Variants in NLRP7 observed in about 807,000 individuals in gnomAD.
The protein encoded by NLRP7 is NLR family pyrin domain containing 7.
NLRP7 carries 72 observed loss-of-function variants against 85.5 expected under a neutral mutation model. The ratio of observed to expected loss-of-function variants is 0.84; its 90% CI spans 0.70 to 1.02. The LOEUF (loss-of-function observed/expected upper bound fraction) is 1.02. NLRP7 is among the 50% of genes least tolerant of loss of function. The pLI is 0.00. For missense variants in NLRP7, 1,243 were observed against 1,219.5 expected, an observed-to-expected ratio of 1.02 and a Z score of -0.29; for synonymous variants, 550 against 505.2, an observed-to-expected ratio of 1.09 and a Z score of -1.19.
intron 9 of NLRP7, among the ~76,000 whole-genome samples, chr19:54,924,297 C>G (rs1339709685): frequency 3.9e-5 from 6 of 152,060 alleles, no homozygotes; most frequent in Non-Finnish European, 7.4e-5. Context: ...AAATTTAGAC[C>G]CACACAATGG....
chr19:54,933,156 G>A (rs560455390), intron 8 of NLRP7, among the ~76,000 whole-genome samples: 2 of 151,164 alleles, frequency 1.3e-5, no homozygotes, highest in South Asian at 4.2e-4. Flanking sequence ...TTGTTTCTTT[G>A]TTTTTTTGAG....
At chr19:54,950,588 T>G (rs1006695999), upstream of NLRP7, among the ~76,000 whole-genome samples, 8 of 152,212 alleles carry the variant, frequency 5.3e-5, no homozygotes, top group Non-Finnish European at 1.5e-5. Context: ...CTAAGTGCTG[T>G]GCTTTAGATA....
chr19:54,941,052 T>A (rs1370824637), intron 2 of NLRP7, 47 bp from the exon 3 acceptor site: 2 of 1,318,484 alleles, frequency 1.5e-6, no homozygotes, highest in African/African-American at 2.9e-5. Flanking sequence ...TTACACTTCG[T>A]AAATCAGACA....
rs1045414911 is a variant in NLRP7 at position 54,938,883 on chromosome 19, C to T, written c.1931+5G>A. On this transcript the variant is annotated splice_donor_5th_base_variant and intron_variant, in intron 4 of 9. Coordinates refer to ENST00000340844, the Ensembl canonical transcript of NLRP7. ...TGGAGCGTGGGATGGGAAAACAGTT[C>T]TTACCTTTCAAATTCAATGTCCAGT... 5 of 1,613,884 alleles carry T rather than the reference C, an allele frequency of 3.1e-6. No homozygotes were observed. In the Admixed American group the frequency reaches 8.3e-5, roughly 27 times the overall value.
chr19:54,941,752 TGGGG>T lies in NLRP7; in HGVS notation c.-39-6_-39-3del. ...AGACCTTAGGTTAAGGCTGAAGAAC[TGGGG>T]GGAAAAAAGGAAAAACAGTTCACGA... is the stretch of plus-strand genomic sequence containing the variant. On this transcript the variant is annotated splice_region_variant and splice_polypyrimidine_tract_variant and intron_variant, in intron 1 of 9. Transcript: ENST00000340844. 6.3e-7 allele frequency: 1 copy of T among 1,585,442 alleles called. No homozygotes were observed.
chr19:54,931,012 G>C (rs2068654675), intron 8 of NLRP7, among the ~76,000 whole-genome samples: 2 of 152,044 alleles, frequency 1.3e-5, no homozygotes, highest in Admixed American at 6.5e-5. Context: ...GACAGAGCGA[G>C]ACTCCGTCTC....
At chr19:54,958,054 A>G (rs2069917034) in intron 1 of NLRP7, among the ~76,000 whole-genome samples, 1 of 152,004 alleles carries the variant, frequency 6.6e-6, no homozygotes, top group African/African-American at 2.4e-5. Flanking sequence ...TGTCTTTACT[A>G]AAAATACAAA....
intron 9 of NLRP7, among the ~76,000 whole-genome samples, chr19:54,926,073 A>T (rs578251038): frequency 1.3e-5 from 2 of 151,400 alleles, no homozygotes; most frequent in African/African-American, 2.4e-5. Context: ...AAAAAAAAAT[A>T]AAAAATACAA....
intron 6 of NLRP7, among the ~76,000 whole-genome samples, chr19:54,935,035 G>A (rs774069904): frequency 3.3e-5 from 5 of 152,072 alleles, no homozygotes; most frequent in Non-Finnish European, 7.4e-5. Context: ...AAGACATTAT[G>A]TCTTTGGTTT....
Position 54,924,100 on chromosome 19 carries a change from T to G in NLRP7, c.2811-228A>C, listed in dbSNP as rs562796417. ...CTCATGCCTCAGGCTCCTGAGTAAC[T>G]GTGATTACAGGTGTGCACCACCACG... On this transcript the variant is annotated intron_variant, in intron 9 of 9. Coordinates refer to ENST00000340844, the Ensembl canonical transcript of NLRP7. Among the ~76,000 whole-genome samples, 3 of 152,256 alleles carry G rather than the reference T, an allele frequency of 2.0e-5. No individual in the cohort carries two copies. The East Asian group carries it at 5.8e-4, about 29-fold the overall frequency.
intron 1 of NLRP7, among the ~76,000 whole-genome samples, chr19:54,942,477 A>G (rs1436133789): frequency 6.6e-6 from 1 of 152,020 alleles, no homozygotes; most frequent in Admixed American, 6.6e-5. Flanking sequence ...TAATCCCAGC[A>G]CTTTGGGAGG....
chr19:54,941,950 T>C (rs1054344376), intron 1 of NLRP7, among the ~76,000 whole-genome samples, 200 bp from the exon 2 acceptor site: 1 of 151,924 alleles, frequency 6.6e-6, no homozygotes, highest in Non-Finnish European at 1.5e-5. Context: ...CCTGGCTAAC[T>C]TGGTAAAAAG....
chr19:54,940,529 A>T, intron 3 of NLRP7, 63 bp from the exon 4 acceptor site: 3 of 1,579,060 alleles, frequency 1.9e-6, no homozygotes, highest in Non-Finnish European at 2.6e-6. Context: ...TTATTTTGTC[A>T]AGTACCAGAA....
chr19:54,924,034 C>T (rs1294988055), intron 9 of NLRP7, among the ~76,000 whole-genome samples, 162 bp from the exon 11 acceptor site: 1 of 152,164 alleles, frequency 6.6e-6, no homozygotes, highest in East Asian at 1.9e-4. Context: ...GTGGTGCCAT[C>T]TTGGCTCTCT....
upstream of NLRP7, among the ~76,000 whole-genome samples, chr19:54,952,176 A>C (rs1230208198): frequency 1.3e-5 from 2 of 152,248 alleles, no homozygotes; most frequent in South Asian, 4.1e-4. Context: ...CAAATAGCTG[A>C]CACTAACCAG....
chr19:54,959,491 G>A (rs929012252), intron 1 of NLRP7, among the ~76,000 whole-genome samples: 1 of 151,192 alleles, frequency 6.6e-6, no homozygotes, highest in Non-Finnish European at 1.5e-5. Context: ...AAAACAATAT[G>A]AGACGGTTTC....
Position 54,929,231 on chromosome 19 carries a change from T to C in NLRP7, c.2810+1268A>G, listed in dbSNP as rs1458487701. Among the ~76,000 whole-genome samples, 3 of 151,976 alleles carry C rather than the reference T, an allele frequency of 2.0e-5. No individual in the cohort carries two copies. The East Asian group carries it at 5.8e-4, about 29-fold the overall frequency. ...TAAAAATACAAAAATTAGCTGGGTA[T>C]GGTGGTGCACGCCTGTAATCCCAAC... On this transcript the variant is annotated intron_variant, in intron 9 of 9. Coordinates refer to ENST00000340844, the Ensembl canonical transcript of NLRP7.
chr19:54,926,205 G>GGGGTGTGTGTGTGT (rs375777486), intron 9 of NLRP7, among the ~76,000 whole-genome samples: 13 of 143,642 alleles, frequency 9.1e-5, no homozygotes, highest in Non-Finnish European at 1.7e-4. Context: ...AATGATTAGG[G>GGGGTGTGTGTGTGT]GTGTGTGTGT....
chr19:54,935,351 C>T (rs1569539969), intron 6 of NLRP7, among the ~76,000 whole-genome samples: 2 of 152,048 alleles, frequency 1.3e-5, no homozygotes, highest in Non-Finnish European at 2.9e-5. Context: ...CCTCAGCATC[C>T]ACTGTAGCTG....
Sources: gnomAD v4.1 joint callset for allele counts (sites outside exome capture counted in the v4.1 genomes callset) on GRCh38, gnomAD v4.1.1 for gene constraint, MANE v1.5 for transcripts, NCBI Gene and HGNC (gene_info 2026-07-23, HGNC 2026-07-21) for gene names.